Variants in HDHD2 observed in about 807,000 individuals in gnomAD.
The protein encoded by HDHD2 is haloacid dehalogenase-like hydrolase domain-containing protein 2.
A neutral mutation model predicts 24.8 loss-of-function variants in HDHD2; 26 were observed. The ratio of observed to expected loss-of-function variants is 1.05; its 90% CI spans 0.77 to 1.45. HDHD2 has a LOEUF of 1.45. HDHD2 is among the 40% of genes most tolerant of loss of function. The pLI, the probability that HDHD2 is intolerant of heterozygous loss-of-function variation, is 0.00. For synonymous variants in HDHD2, 128 were observed against 114.9 expected, an observed-to-expected ratio of 1.11 and a Z score of -0.73; for missense variants, 299 against 313.4, an observed-to-expected ratio of 0.95 and a Z score of 0.35.
intron 4 of HDHD2, among the ~76,000 whole-genome samples, chr18:47,121,123 C>T (rs879205681): frequency 6.7e-6 from 1 of 150,008 alleles, no homozygotes; most frequent in Non-Finnish European, 1.5e-5. Context: ...AAAAAAAATG[C>T]AAGTGAAGCG....
chr18:47,127,924 T>C (rs189598029), intron 4 of HDHD2, among the ~76,000 whole-genome samples: 63 of 152,326 alleles, frequency 4.1e-4, no homozygotes, highest in African/African-American at 1.5e-3. Context: ...CCAATGTTTA[T>C]TGTCATTATC....
chr18:47,144,976 TATC>T (rs1163185054), intron 1 of HDHD2, among the ~76,000 whole-genome samples: 2 of 152,150 alleles, frequency 1.3e-5, no homozygotes, highest in African/African-American at 4.8e-5. Context: ...CTAATGTAAT[TATC>T]ATAATGCCTA....
chr18:47,134,499 T>G lies in HDHD2; in HGVS notation c.307A>C (p.Lys103Gln). 6.2e-7 allele frequency: 1 copy of G among 1,611,618 alleles called. No individual in the cohort carries two copies. The highest frequency in any genetic ancestry group is 8.5e-7 in the Non-Finnish European group (1 of 1,178,068). Reference sequence around the variant, plus strand: ...AAATTTTCCAAATTTCCCCTACCTTTGAAATCAGGTAGTGCCCGATCATCA... The same window carrying G: ...AAATTTTCCAAATTTCCCCTACCTTGGAAATCAGGTAGTGCCCGATCATCA... The part of the protein sequence containing the change: ...LVDDRALPDF[K>Q]GIQTSDPNAV... Residue 103 changes from lysine to glutamine, a missense_variant, in exon 3 of 7, where the codon AAA becomes CAA. Lys to Gln is a moderately conservative substitution (Grantham distance 53, BLOSUM62 1). Coordinates refer to ENST00000300605, the MANE Select transcript of HDHD2 (RefSeq NM_032124.5).
rs148842860 is a variant in HDHD2 at position 47,142,342 on chromosome 18, C to T, written c.-10-5893G>A. On this transcript the variant is annotated intron_variant, in intron 1 of 6. Transcript: ENST00000300605. ...GTTAACTAGATATCTACCTAATATT[C>T]TCAATTTTACTTTTTGGCCTGCAAA... Among the ~76,000 whole-genome samples, 1,122 of 151,518 alleles carry T rather than the reference C, an allele frequency of 7.4e-3. 8 individuals carry two copies. The highest frequency in any genetic ancestry group is 0.025 in the African/African-American group (1,032 of 41,312).
chr18:47,148,379 T>C (rs2063895340), intron 1 of HDHD2, among the ~76,000 whole-genome samples: 2 of 152,160 alleles, frequency 1.3e-5, no homozygotes, highest in African/African-American at 4.8e-5. Context: ...TCAAAATAAC[T>C]ATAAAGGCTT....
intron 4 of HDHD2, among the ~76,000 whole-genome samples, chr18:47,122,283 C>A (rs1489385180): frequency 2.6e-5 from 4 of 152,196 alleles, no homozygotes; most frequent in African/African-American, 9.7e-5. Flanking sequence ...AGTCACTTCA[C>A]ATTTGTGAGC....
At chr18:47,128,730 T>C (rs1375205811) in intron 4 of HDHD2, among the ~76,000 whole-genome samples, 3 of 152,222 alleles carry the variant, frequency 2.0e-5, no homozygotes, top group Non-Finnish European at 4.4e-5. Context: ...GTGGTTTCCA[T>C]TAACCAAGAA....
intron 4 of HDHD2, among the ~76,000 whole-genome samples, chr18:47,124,028 T>C (rs1330732353): frequency 2.0e-5 from 3 of 152,272 alleles, no homozygotes; most frequent in Non-Finnish European, 2.9e-5. Context: ...TCTAGTCACT[T>C]GATTTACGTC....
At chr18:47,126,619 A>G (rs1423735351) in intron 4 of HDHD2, among the ~76,000 whole-genome samples, 1 of 152,206 alleles carries the variant, frequency 6.6e-6, no homozygotes. Context: ...AAATTTAAAC[A>G]TGAAAGTTGT....
intron 4 of HDHD2, among the ~76,000 whole-genome samples, chr18:47,116,536 TGTTA>T (rs1465312380): frequency 1.3e-5 from 2 of 152,244 alleles, no homozygotes; most frequent in Non-Finnish European, 2.9e-5. Context: ...AGGGCCTTAC[TGTTA>T]GTTACTACAA....
At chr18:47,115,921 A>T (rs1049518620) in intron 4 of HDHD2, among the ~76,000 whole-genome samples, 5 of 152,148 alleles carry the variant, frequency 3.3e-5, no homozygotes, top group Admixed American at 6.5e-5. Context: ...TTATTTTGCA[A>T]ATCAGGCCAT....
At chr18:47,123,904 A>G (rs541976964) in intron 4 of HDHD2, among the ~76,000 whole-genome samples, 2 of 152,350 alleles carry the variant, frequency 1.3e-5, no homozygotes, top group Middle Eastern at 6.8e-3. Context: ...GAGGTAGAAT[A>G]GCCAAGACAA....
At chr18:47,121,177 C>T (rs929249790) in intron 4 of HDHD2, among the ~76,000 whole-genome samples, 7 of 151,544 alleles carry the variant, frequency 4.6e-5, no homozygotes, top group Non-Finnish European at 7.4e-5. Flanking sequence ...CTGAACACGA[C>T]GCTGTCTTTC....
rs562984936 is a variant in HDHD2 at position 47,135,481 on chromosome 18, G to A, written c.102-777C>T. 1.4e-3 allele frequency among the ~76,000 whole-genome samples: 213 copies of A among 152,008 alleles called. 1 individual carries two copies. Among genetic ancestry groups the A allele is most frequent in the Non-Finnish European group, 2.1e-3 (144 of 67,950 alleles). ...TCTCCATGTCGGTCAGGCTGGTCTC[G>A]AACTCCCGACCTCAGGTGATCCACC... On this transcript the variant is annotated intron_variant, in intron 2 of 6. Coordinates refer to ENST00000300605, the MANE Select transcript of HDHD2 (RefSeq NM_032124.5).
chr18:47,117,729 G>T (rs1034088477), intron 4 of HDHD2, among the ~76,000 whole-genome samples: 4 of 152,082 alleles, frequency 2.6e-5, no homozygotes, highest in Admixed American at 1.3e-4. Flanking sequence ...TGTAATCCCA[G>T]CACTTTGGGA....
intron 6 of HDHD2, chr18:47,109,875 G>T: frequency 5.2e-6 from 3 of 573,436 alleles, no homozygotes; most frequent in Non-Finnish European, 4.4e-6. Flanking sequence ...GGCTATATCT[G>T]TTACATGTCC....
chr18:47,112,922 A>T (rs72905450), intron 6 of HDHD2, 55 bp downstream of exon 6: 22,135 of 1,408,876 alleles, frequency 0.016, 236 homozygotes, highest in Non-Finnish European at 0.019. Context: ...TTCTTTAAGC[A>T]ACTGTGTATT....
intron 3 of HDHD2, among the ~76,000 whole-genome samples, chr18:47,131,471 C>T (rs2063712915): frequency 6.6e-6 from 1 of 152,172 alleles, no homozygotes; most frequent in Non-Finnish European, 1.5e-5. Context: ...CTGTCCAGAT[C>T]TGAAATCAGT....
intron 3 of HDHD2, among the ~76,000 whole-genome samples, chr18:47,131,290 A>C (rs2063711295): frequency 6.6e-6 from 1 of 152,132 alleles, no homozygotes; most frequent in Non-Finnish European, 1.5e-5. Flanking sequence ...CCATACCATT[A>C]TTAAAGGTCT....
Sources: gnomAD v4.1 joint callset for allele counts (sites outside exome capture counted in the v4.1 genomes callset) on GRCh38, gnomAD v4.1.1 for gene constraint, MANE v1.5 for transcripts, NCBI Gene and HGNC (gene_info 2026-07-23, HGNC 2026-07-21) for gene names.